Variants in KIAA1671 observed in about 807,000 individuals in gnomAD.
KIAA1671 encodes KIAA1671, also known as uncharacterized protein KIAA1671.
KIAA1671 carries 52 observed loss-of-function variants against 131.2 expected under a neutral mutation model. The ratio of observed to expected loss-of-function variants is 0.40; its 90% CI spans 0.32 to 0.50. The LOEUF (loss-of-function observed/expected upper bound fraction) is 0.50, where lower values mean the gene tolerates loss of function less well. Ranked by LOEUF, KIAA1671 falls within the 20% of genes least tolerant of loss-of-function variation. The pLI is 0.73. For synonymous variants in KIAA1671, 1,003 were observed against 961.6 expected, an observed-to-expected ratio of 1.04 and a Z score of -0.80; for missense variants, 2,360 against 2,364.2, an observed-to-expected ratio of 1.00 and a Z score of 0.04.
In KIAA1671 at chr22:25,195,656, C is replaced by T. The variant is rs528125659; in HGVS notation, c.*3255C>T. 1 of 152,310 alleles carries T rather than the reference C, an allele frequency of 6.6e-6. No individual in the cohort carries two copies. Among genetic ancestry groups the T allele is most frequent in the East Asian group, 1.9e-4 (1 of 5,182 alleles). The allele number at this position is 152,310 out of a possible 1,614,324, so 9.4% of individuals were successfully genotyped here. On this transcript the variant is annotated 3_prime_UTR_variant, in exon 13 of 13. Transcript: ENST00000358431. ...GCTGGGCAAAGGATTTAGAAAGACCCTTAGCATGATTTTCCTAAAAGAGAC... is the reference window on the plus strand; with the variant it reads ...GCTGGGCAAAGGATTTAGAAAGACCTTTAGCATGATTTTCCTAAAAGAGAC...
chr22:25,103,115 G>T (rs933856811), intron 6 of KIAA1671, among the ~76,000 whole-genome samples: 3 of 152,138 alleles, frequency 2.0e-5, no homozygotes, highest in Admixed American at 1.3e-4. Context: ...GCAGAGAAAT[G>T]AGGTGGTGAA....
intron 3 of KIAA1671, among the ~76,000 whole-genome samples, chr22:25,032,048 C>T (rs1211442510): frequency 1.3e-5 from 2 of 152,200 alleles, no homozygotes; most frequent in Non-Finnish European, 2.9e-5. Context: ...GTGGGGAAAA[C>T]GAGGCCCAAA....
intron 6 of KIAA1671, among the ~76,000 whole-genome samples, chr22:25,165,140 A>G (rs933193767): frequency 6.6e-6 from 1 of 152,150 alleles, no homozygotes; most frequent in African/African-American, 2.4e-5. Context: ...CAAGGTTACC[A>G]GGATACTAAC....
At chr22:25,191,099 AC>A (rs1390473133) in intron 12 of KIAA1671, among the ~76,000 whole-genome samples, 1 of 151,702 alleles carries the variant, frequency 6.6e-6, no homozygotes. Context: ...CTCTGATAAA[AC>A]AAAAGGGCGG....
intron 1 of KIAA1671, among the ~76,000 whole-genome samples, chr22:24,986,229 G>T (rs1213214923): frequency 1.3e-5 from 2 of 152,110 alleles, no homozygotes; most frequent in Admixed American, 6.6e-5. Flanking sequence ...CCACCCTAAG[G>T]GATGACGCTT....
intron 1 of KIAA1671, among the ~76,000 whole-genome samples, chr22:25,002,099 T>G (rs573583255): frequency 6.6e-6 from 1 of 152,288 alleles, no homozygotes; most frequent in South Asian, 2.1e-4. Flanking sequence ...CGAAACCCTT[T>G]CCCATTGTCC....
intron 6 of KIAA1671, among the ~76,000 whole-genome samples, chr22:25,108,964 C>T (rs1466624231): frequency 6.6e-6 from 1 of 152,188 alleles, no homozygotes; most frequent in African/African-American, 2.4e-5. Flanking sequence ...TGCTGGGGGC[C>T]TCAGATTCTC....
At chr22:25,016,274 C>T (rs1431882884) in intron 1 of KIAA1671, among the ~76,000 whole-genome samples, 15 of 152,176 alleles carry the variant, frequency 9.9e-5, no homozygotes, top group African/African-American at 3.4e-4. Context: ...CCGCCTCGGC[C>T]TCCCAAAGTG....
chr22:24,962,858 C>T (rs1922084903), intron 1 of KIAA1671, among the ~76,000 whole-genome samples: 1 of 152,112 alleles, frequency 6.6e-6, no homozygotes, highest in Non-Finnish European at 1.5e-5. Context: ...CAGTCCAGAG[C>T]AGGCCTTTGA....
At chr22:25,152,761 C>T (rs1183332149) in intron 6 of KIAA1671, among the ~76,000 whole-genome samples, 1 of 152,106 alleles carries the variant, frequency 6.6e-6, no homozygotes, top group Non-Finnish European at 1.5e-5. Context: ...TGCCACCACG[C>T]CCAGCCAATG....
At chr22:25,189,192 CG>C (rs1320676634) in intron 11 of KIAA1671, among the ~76,000 whole-genome samples, 33 of 131,842 alleles carry the variant, frequency 2.5e-4, no homozygotes, top group Non-Finnish European at 4.8e-4. Context: ...CTTGCTCTGT[CG>C]CCCAGGCTGG....
intron 6 of KIAA1671, among the ~76,000 whole-genome samples, chr22:25,114,942 C>T (rs1013639689): frequency 6.6e-6 from 1 of 152,196 alleles, no homozygotes; most frequent in African/African-American, 2.4e-5. Flanking sequence ...TTCATTTCAT[C>T]CTGGTTCCTG....
At chr22:25,088,556 C>G (rs1929856446) in intron 6 of KIAA1671, among the ~76,000 whole-genome samples, 1 of 152,210 alleles carries the variant, frequency 6.6e-6, no homozygotes, top group Non-Finnish European at 1.5e-5. Context: ...GATGCAGTAA[C>G]TGGACTGTCT....
chr22:25,049,150 T>G, intron 5 of KIAA1671, 80 bp from the exon 6 acceptor site: 3 of 1,486,648 alleles, frequency 2.0e-6, no homozygotes, highest in Non-Finnish European at 2.7e-6. Context: ...TGGTACAGAA[T>G]GGACTCTTGG....
At position 24,971,728 on chromosome 22, in the gene KIAA1671, G is replaced by A. The variant is rs6004376; in HGVS notation, c.-208+18956G>A. Reference sequence around the variant, plus strand: ...GCACCCAGAAATTGGTATTTTTTTGGGGGGGTCGTGGATCATGAAGGAAAG... The same window carrying A: ...GCACCCAGAAATTGGTATTTTTTTGAGGGGGTCGTGGATCATGAAGGAAAG... On this transcript the variant is annotated intron_variant, in intron 1 of 12. Coordinates refer to ENST00000358431, the MANE Select transcript of KIAA1671 (RefSeq NM_001145206.2). 5.3e-4 allele frequency among the ~76,000 whole-genome samples: 81 copies of A among 151,960 alleles called. 1 individual carries two copies. Among genetic ancestry groups the A allele is most frequent in the Non-Finnish European group, 1.0e-4 (7 of 67,976 alleles).
intron 6 of KIAA1671, chr22:25,062,500 G>C (rs532945907): frequency 6.6e-6 from 1 of 152,136 alleles, no homozygotes. Context: ...ACTCGTCTGC[G>C]GCCTGTCTCT....
chr22:25,036,230 G>T (rs927752751), intron 4 of KIAA1671, among the ~76,000 whole-genome samples: 50 of 151,966 alleles, frequency 3.3e-4, no homozygotes, highest in African/African-American at 1.2e-3. Context: ...ACAGGCATGC[G>T]CCACCACACC....
chr22:25,060,180 T>TTTTA (rs1473640205), intron 6 of KIAA1671: 2 of 152,096 alleles, frequency 1.3e-5, no homozygotes, highest in Non-Finnish European at 2.9e-5. Context: ...CCTGATTTTA[T>TTTTA]TTTATTTATT....
chr22:25,105,551 G>T (rs1018685103), intron 6 of KIAA1671, among the ~76,000 whole-genome samples: 1 of 152,210 alleles, frequency 6.6e-6, no homozygotes, highest in East Asian at 1.9e-4. Context: ...AGTCCTCTGG[G>T]GGGGAAAATG....
Sources: gnomAD v4.1 joint callset for allele counts (sites outside exome capture counted in the v4.1 genomes callset) on GRCh38, gnomAD v4.1.1 for gene constraint, MANE v1.5 for transcripts, NCBI Gene and HGNC (gene_info 2026-07-23, HGNC 2026-07-21) for gene names.